The following ZNF675 variants were observed in gnomAD, a reference collection of about 807,000 sequenced individuals.
ZNF675 encodes the protein zinc finger protein 675.
A neutral mutation model predicts 56.1 loss-of-function variants in ZNF675; 36 were observed. That is an observed-to-expected ratio of 0.64 (90% CI 0.49 to 0.85). The LOEUF (loss-of-function observed/expected upper bound fraction) is 0.85. ZNF675 is among the 40% of genes least tolerant of loss of function. The pLI is 0.00. For missense variants in ZNF675, 663 were observed against 654.2 expected (o/e 1.01, Z -0.15); for synonymous variants, 200 against 218.9 (o/e 0.91, Z 0.76).
intron 1 of ZNF675, among the ~76,000 whole-genome samples, chr19:23,681,586 A>G (rs1968377363): frequency 6.6e-6 from 1 of 151,658 alleles, no homozygotes; most frequent in Non-Finnish European, 1.5e-5. Context: ...ACACCAAGCA[A>G]TCCTCCAACA....
chr19:23,669,864 A>T lies in ZNF675; in HGVS notation c.4-6706T>A, dbSNP rs143691943. 9.4e-3 allele frequency among the ~76,000 whole-genome samples: 9 copies of T among 956 alleles called. No individual in the cohort carries two copies. The South Asian group carries it at 0.36, about 38-fold the overall frequency. The allele number at this position is 956 out of a possible 152,430, so 0.6% of individuals were successfully genotyped here. On this transcript the variant is annotated intron_variant, in intron 1 of 3. Coordinates refer to ENST00000359788, the MANE Select transcript of ZNF675 (RefSeq NM_138330.3). Reference sequence around the variant, plus strand: ...CAAGACTCTGTCTCAAAAAAAAATTAAAAAAAAAAAACAACACCTCATAGT... The same window carrying T: ...CAAGACTCTGTCTCAAAAAAAAATTTAAAAAAAAAAACAACACCTCATAGT...
chr19:23,667,827 C>CAG (rs1279335932), intron 1 of ZNF675, among the ~76,000 whole-genome samples: 33 of 136,190 alleles, frequency 2.4e-4, no homozygotes, highest in African/African-American at 8.0e-4. Flanking sequence ...CAGCTAGATA[C>CAG]AGTGTCAACT....
chr19:23,677,056 A>T (rs1351179127), intron 1 of ZNF675, among the ~76,000 whole-genome samples: 1 of 146,290 alleles, frequency 6.8e-6, no homozygotes, highest in Non-Finnish European at 1.5e-5. Context: ...CAGCCTGGGC[A>T]ACAGTGCAAG....
intron 1 of ZNF675, 138 bp downstream of exon 1, chr19:23,686,893 A>T: frequency 9.3e-7 from 1 of 1,072,898 alleles, no homozygotes; most frequent in African/African-American, 1.5e-5. Context: ...CAGGGGACTG[A>T]GCCGAGCTGG....
intron 1 of ZNF675, among the ~76,000 whole-genome samples, chr19:23,670,109 A>G (rs904356533): frequency 8.5e-5 from 13 of 152,130 alleles, no homozygotes; most frequent in African/African-American, 3.1e-4. Context: ...GACCACTATG[A>G]GCAACTCTTA....
At chr19:23,659,991 T>C (rs776617866) in intron 3 of ZNF675, among the ~76,000 whole-genome samples, 15 of 151,408 alleles carry the variant, frequency 9.9e-5, no homozygotes, top group Admixed American at 2.0e-4. Flanking sequence ...CTGAAAGCCA[T>C]AGTCATTCAT....
rs1273353912 is a variant in ZNF675 at position 23,675,996 on chromosome 19, A to C, written c.3+11035T>G. On this transcript the variant is annotated intron_variant, in intron 1 of 3. Coordinates refer to ENST00000359788, the MANE Select transcript of ZNF675 (RefSeq NM_138330.3). ...AAGAGAAGATCCAAAAAAAAAAAAA[A>C]CACAATTAGTAATGACAAATGGACA... 7.0e-5 allele frequency among the ~76,000 whole-genome samples: 10 copies of C among 142,024 alleles called. No homozygotes were observed. The East Asian group carries it at 1.2e-3, about 18-fold the overall frequency. 93.2% of individuals were successfully genotyped at this position (142,024 alleles called of 152,430 possible).
At position 23,663,561 on chromosome 19, in the gene ZNF675, G is replaced by A. The variant is rs1165219595; in HGVS notation, c.4-403C>T. ...TACAAAATTAGCCAGGCGTGGTGGC[G>A]CATGCATGTAATCCCAGCTACTCAG... On this transcript the variant is annotated intron_variant, in intron 1 of 3. Coordinates refer to ENST00000359788, the MANE Select transcript of ZNF675 (RefSeq NM_138330.3). Among the ~76,000 whole-genome samples the A allele has an allele frequency of 2.6e-5, 4 of 151,974 alleles. 1 individual carries two copies. The highest frequency in any genetic ancestry group is 4.1e-4 in the South Asian group (2 of 4,820).
chr19:23,661,700 A>G (rs1225747089), intron 3 of ZNF675, among the ~76,000 whole-genome samples: 1 of 152,160 alleles, frequency 6.6e-6, no homozygotes, highest in Non-Finnish European at 1.5e-5. Context: ...AAAAAAAAAG[A>G]AGGAAAGAAA....
intron 1 of ZNF675, among the ~76,000 whole-genome samples, chr19:23,679,853 G>C (rs1467690024): frequency 6.6e-6 from 1 of 151,030 alleles, no homozygotes; most frequent in Non-Finnish European, 1.5e-5. Flanking sequence ...AGCCAGGCGT[G>C]GTGGCAGGTG....
chr19:23,662,808 T>C (rs1568290539), intron 2 of ZNF675, among the ~76,000 whole-genome samples: 1 of 151,790 alleles, frequency 6.6e-6, no homozygotes, highest in Non-Finnish European at 1.5e-5. Flanking sequence ...GGTGAAACCC[T>C]GTCTCTACCA....
chr19:23,680,327 C>T (rs1164729246), intron 1 of ZNF675, among the ~76,000 whole-genome samples: 1 of 151,692 alleles, frequency 6.6e-6, no homozygotes, highest in Non-Finnish European at 1.5e-5. Flanking sequence ...AAAATAGGTA[C>T]ATAAACATCA....
chr19:23,674,942 AG>A (rs1420413414), intron 1 of ZNF675, among the ~76,000 whole-genome samples: 1 of 149,276 alleles, frequency 6.7e-6, no homozygotes, highest in Non-Finnish European at 1.5e-5. Context: ...AGTGCACTCC[AG>A]CCTGGGTGAC....
Position 23,671,304 on chromosome 19 carries a change from T to C in ZNF675, c.4-8146A>G, listed in dbSNP as rs552238793. Among the ~76,000 whole-genome samples the C allele has an allele frequency of 7.9e-5, 12 of 152,058 alleles. 1 individual carries two copies. Among genetic ancestry groups the C allele is most frequent in the African/African-American group, 2.7e-4 (11 of 41,470 alleles). On this transcript the variant is annotated intron_variant, in intron 1 of 3. Transcript: ENST00000359788. Reference sequence around the variant, plus strand: ...ATACAATGTTTATGGTGTATAACAATTGTGACCTGAAGGAAGGAAAAAGGA... The same window carrying C: ...ATACAATGTTTATGGTGTATAACAACTGTGACCTGAAGGAAGGAAAAAGGA...
rs772035330 is a variant in ZNF675 at position 23,653,478 on chromosome 19, A to G, written c.1455T>C (p.Cys485=). 4.3e-6 allele frequency: 7 copies of G among 1,613,360 alleles called. No homozygotes were observed. The highest frequency in any genetic ancestry group is 5.9e-6 in the Non-Finnish European group (7 of 1,179,928). ...SGEIPYKCEE[C]GKAFKHSSSL... is the part of the protein sequence containing the mutation. Reference sequence around the variant, plus strand: ...ATGAGGAGTGTTTAAAAGCTTTGCCACATTCTTCACACTTGTAGGGTATCT... The same window carrying G: ...ATGAGGAGTGTTTAAAAGCTTTGCCGCATTCTTCACACTTGTAGGGTATCT... Residue 485 remains cysteine, a synonymous_variant, in exon 4 of 4, where the codon TGT becomes TGC. Transcript: ENST00000359788.
intron 1 of ZNF675, among the ~76,000 whole-genome samples, chr19:23,666,560 T>C (rs568466747): frequency 6.6e-6 from 1 of 152,290 alleles, no homozygotes; most frequent in African/African-American, 2.4e-5. Flanking sequence ...TCATTTTCAA[T>C]AAACCCGTTT....
In ZNF675 at chr19:23,680,756, GAAAAATTTAA is replaced by G. The variant is rs555434599; in HGVS notation, c.3+6265_3+6274del. On this transcript the variant is annotated intron_variant, in intron 1 of 3. Coordinates refer to ENST00000359788, the MANE Select transcript of ZNF675 (RefSeq NM_138330.3). ...GCAACAAGAGCAAAACTCCGTCTCA[GAAAAATTTAA>G]AAAAATAATAATAATAAGAGCTAAA... is the stretch of plus-strand genomic sequence containing the variant. Among the ~76,000 whole-genome samples, 188 of 151,458 alleles carry G rather than the reference GAAAAATTTAA, an allele frequency of 1.2e-3. 3 individuals are homozygous for G. Among genetic ancestry groups the G allele is most frequent in the African/African-American group, 3.5e-3 (144 of 41,002 alleles).
rs1048085388 is a variant in ZNF675 at position 23,667,113 on chromosome 19, C to T, written c.4-3955G>A. ...CGGAGTTTCTTCCTTCTGGTGGGTT[C>T]GTGGTCTCGCTGGCTCAGGAGTGAA... On this transcript the variant is annotated intron_variant, in intron 1 of 3. Coordinates refer to ENST00000359788, the MANE Select transcript of ZNF675 (RefSeq NM_138330.3). Among the ~76,000 whole-genome samples the T allele has an allele frequency of 2.6e-5, 4 of 151,726 alleles. No individual in the cohort carries two copies. The East Asian group carries it at 5.9e-4, about 22-fold the overall frequency.
chr19:23,677,977 CGG>C (rs897204618), intron 1 of ZNF675, among the ~76,000 whole-genome samples: 1 of 742 alleles, frequency 1.3e-3, no homozygotes, highest in Non-Finnish European at 0.062. Context: ...AAAATTAGCA[CGG>C]GGTGGTGGTG....
Sources: allele counts gnomAD v4.1 joint callset (sites outside exome capture counted in the v4.1 genomes callset), GRCh38; gene constraint gnomAD v4.1.1; transcripts MANE v1.5; gene names NCBI Gene and HGNC (gene_info 2026-07-23, HGNC 2026-07-21).